The following CAP1 variants were observed in gnomAD, a reference collection of about 807,000 sequenced individuals.
CAP1 encodes cyclase associated actin cytoskeleton regulatory protein 1.
A neutral mutation model predicts 58.2 loss-of-function variants in CAP1; 11 were observed. The observed-to-expected ratio is 0.19, with a 90% CI of 0.12 to 0.31. CAP1 has a LOEUF of 0.31. Among genes scored for constraint, CAP1 ranks in the 10% least tolerant of loss-of-function variants. The probability of loss-of-function intolerance (pLI) is 1.00; values close to 1 mark genes in which losing one functional copy is unlikely to be tolerated. For missense variants in CAP1, 423 were observed against 587.5 expected (o/e 0.72, Z 2.89); for synonymous variants, 183 against 213.8 (o/e 0.86, Z 1.26).
chr1:40,042,326 G>C (rs184024424), intron 1 of CAP1, among the ~76,000 whole-genome samples: 6 of 152,350 alleles, frequency 3.9e-5, no homozygotes, highest in African/African-American at 9.6e-5. Context: ...ATAGTGCATA[G>C]CACAGGGCTA....
At chr1:40,060,364 G>T (rs1234033420) in intron 3 of CAP1, among the ~76,000 whole-genome samples, 194 bp downstream of exon 3, 1 of 152,034 alleles carries the variant, frequency 6.6e-6, no homozygotes, top group East Asian at 1.9e-4. Context: ...TTTTTTCTAG[G>T]CCCCTTGCTT....
At chr1:40,063,638 C>A (rs140073539) in intron 4 of CAP1, among the ~76,000 whole-genome samples, 4 of 152,206 alleles carry the variant, frequency 2.6e-5, no homozygotes, top group Admixed American at 1.3e-4. Flanking sequence ...GCATTTGATT[C>A]ATCAGTTCTT....
At chr1:40,041,715 C>T (rs1281515840) in intron 1 of CAP1, among the ~76,000 whole-genome samples, 3 of 152,152 alleles carry the variant, frequency 2.0e-5, no homozygotes, top group Non-Finnish European at 2.9e-5. Flanking sequence ...TAAAACAAAA[C>T]AATGTAGACC....
intron 1 of CAP1, among the ~76,000 whole-genome samples, chr1:40,058,713 CTT>C (rs955610479): frequency 1.3e-5 from 2 of 151,326 alleles, no homozygotes; most frequent in Non-Finnish European, 1.5e-5. Context: ...CATTGTAAGA[CTT>C]TGTCTGAAAA....
At chr1:40,041,496 A>C (rs34619898) in intron 1 of CAP1, 2 of 152,112 alleles carry the variant, frequency 1.3e-5, no homozygotes, top group South Asian at 4.1e-4. Flanking sequence ...CATTGAAGGT[A>C]TGTACTTCTG....
At position 40,064,617 on chromosome 1, in the gene CAP1, C is replaced by A. The variant is rs868610946; in HGVS notation, c.524+58C>A. 7 of 1,345,534 alleles carry A rather than the reference C, an allele frequency of 5.2e-6. No homozygotes were observed. In the African/African-American group the frequency reaches 5.8e-5, roughly 11 times the overall value. 83.3% of individuals were successfully genotyped at this position (1,345,534 alleles called of 1,614,324 possible). Reference sequence around the variant, plus strand: ...TCTGAGACAGTGTCTTGCGTTGTCACCCAGGCTGAAGTACAGTGGCACAAT... The same window carrying A: ...TCTGAGACAGTGTCTTGCGTTGTCAACCAGGCTGAAGTACAGTGGCACAAT... On this transcript the variant is annotated intron_variant, in intron 6 of 12. Transcript: ENST00000372805.
chr1:40,042,245 G>C (rs16826775), intron 1 of CAP1, among the ~76,000 whole-genome samples: 17,709 of 152,162 alleles, frequency 0.12, 1,210 homozygotes, highest in South Asian at 0.2. Flanking sequence ...TTGTGGCAAA[G>C]AATACAGTTC....
chr1:40,072,073 T>C lies in CAP1; in HGVS notation c.*540T>C, dbSNP rs1648144412. 2.5e-6 allele frequency: 1 copy of C among 402,494 alleles called. No homozygotes were observed. 24.9% of individuals were successfully genotyped at this position (402,494 alleles called of 1,614,324 possible). On this transcript the variant is annotated 3_prime_UTR_variant, in exon 13 of 13. Coordinates refer to ENST00000372805, the MANE Select transcript of CAP1 (RefSeq NM_006367.4). ...TAGCATTCCATACAAAATTGTTTCC[T>C]ATAAGCATTCCTTTTATTCTCTATT...
chr1:40,056,837 C>CA (rs1646639004), intron 1 of CAP1, among the ~76,000 whole-genome samples: 1 of 152,122 alleles, frequency 6.6e-6, no homozygotes, highest in South Asian at 2.1e-4. Flanking sequence ...CACACACATA[C>CA]AATGTCATAC....
intron 1 of CAP1, among the ~76,000 whole-genome samples, chr1:40,047,433 CTTTGT>C (rs1322884285): frequency 1.3e-5 from 2 of 152,120 alleles, no homozygotes; most frequent in South Asian, 2.1e-4. Flanking sequence ...AGCAGACTTG[CTTTGT>C]TTTGTTTTGT....
intron 2 of CAP1, 21 bp downstream of exon 2, chr1:40,059,479 C>A (rs1397026485): frequency 7.1e-7 from 1 of 1,414,600 alleles, no homozygotes; most frequent in Non-Finnish European, 1.0e-6. Flanking sequence ...CACAGCCCAG[C>A]AGAATGCTTT....
intron 1 of CAP1, chr1:40,041,041 A>G (rs1645799015): frequency 6.6e-6 from 1 of 152,532 alleles, no homozygotes; most frequent in Non-Finnish European, 1.5e-5. Flanking sequence ...GCTGCCCATC[A>G]GCTTCAGCGG....
At chr1:40,054,193 C>CTTTTTTTT (rs398052925) in intron 1 of CAP1, among the ~76,000 whole-genome samples, 76 of 136,384 alleles carry the variant, frequency 5.6e-4, no homozygotes, top group African/African-American at 2.0e-3. Context: ...GCCCACTGTT[C>CTTTTTTTT]TTTTTTTTTT....
rs773379414 is a variant in CAP1, at chr1:40,069,767, G to A, written c.886G>A (p.Gly296Ser). The A allele has an allele frequency of 1.2e-6, 2 of 1,613,424 alleles. No homozygotes were observed. The highest frequency in any genetic ancestry group is 8.5e-7 in the Non-Finnish European group (1 of 1,179,774). Residue 296 changes from glycine (G) to serine (S), a missense_variant, in exon 9 of 13, where the codon GGC (glycine) becomes AGC (serine). Transcript: ENST00000372805. ...GGCTCAGAGTGGTCCAGTACGCAGT[G>A]GCCCCAAACCATTCTCTGCACCTAA... Reference protein sequence around the residue: ...LKAQSGPVRSGPKPFSAPKPQ... With the variant: ...LKAQSGPVRSSPKPFSAPKPQ...
At chr1:40,069,588 T>C (rs1647406293) in intron 8 of CAP1, 102 bp from the exon 9 acceptor site, 3 of 977,232 alleles carry the variant, frequency 3.1e-6, no homozygotes, top group Admixed American at 2.5e-5. Context: ...TCAAAGGCTC[T>C]GGTTTTGGCT....
chr1:40,054,087 T>A (rs1034754997), intron 1 of CAP1, among the ~76,000 whole-genome samples: 1 of 151,356 alleles, frequency 6.6e-6, no homozygotes, highest in African/African-American at 2.4e-5. Flanking sequence ...AAAACACTTC[T>A]CCATGGATTC....
rs1188909590 is a variant in CAP1, at chr1:40,072,266, A to C, written c.*733A>C. 6.6e-6 allele frequency: 2 copies of C among 302,894 alleles called. No individual in the cohort carries two copies. Among genetic ancestry groups the C allele is most frequent in the African/African-American group, 6.1e-5 (2 of 32,928 alleles). 18.8% of individuals were successfully genotyped at this position (302,894 alleles called of 1,614,324 possible). On this transcript the variant is annotated 3_prime_UTR_variant, in exon 13 of 13. Transcript: ENST00000372805. ...GACTTTAAAAGGAAAAAAAAAAAAA[A>C]AAAAACCCACATGATTTCAAGGAGT...
intron 1 of CAP1, among the ~76,000 whole-genome samples, chr1:40,045,612 G>C (rs981614542): frequency 1.3e-5 from 2 of 152,052 alleles, no homozygotes; most frequent in African/African-American, 4.8e-5. Context: ...CTGGAGTGCA[G>C]TGGCGTGATC....
At chr1:40,051,391 C>T (rs1362929109) in intron 1 of CAP1, among the ~76,000 whole-genome samples, 1 of 79,622 alleles carries the variant, frequency 1.3e-5, no homozygotes, top group Non-Finnish European at 3.4e-5. Context: ...CTCTATCACA[C>T]ACATACACAC....
Sources: gnomAD v4.1 joint callset for allele counts (sites outside exome capture counted in the v4.1 genomes callset) on GRCh38, gnomAD v4.1.1 for gene constraint, MANE v1.5 for transcripts, NCBI Gene and HGNC (gene_info 2026-07-23, HGNC 2026-07-21) for gene names.